ERAP1: variants seen among roughly 807,000 people sequenced by gnomAD.
ERAP1 encodes endoplasmic reticulum aminopeptidase 1.
ERAP1 carries 86 observed loss-of-function variants against 103.7 expected under a neutral mutation model. That is an observed-to-expected ratio of 0.83 (90% CI 0.70 to 0.99). The LOEUF is 0.99. ERAP1 is among the 50% of genes least tolerant of loss of function. ERAP1 has a pLI of 0.00. For missense variants in ERAP1, 1,009 were observed against 1,128.4 expected, an observed-to-expected ratio of 0.89 and a Z score of 1.52; for synonymous variants, 398 against 402.4, an observed-to-expected ratio of 0.99 and a Z score of 0.13.
chr5:96,902,602 C>A, the ERAP1 span: 3 of 371,176 alleles, frequency 8.1e-6, no homozygotes, highest in Non-Finnish European at 1.5e-5. Flanking sequence ...TAACAGAAAT[C>A]TATCTTATGT....
intron 15 of ERAP1, 115 bp from the exon 16 acceptor site, chr5:96,781,969 G>A (rs1775244449): frequency 2.0e-6 from 2 of 1,012,634 alleles, no homozygotes; most frequent in Non-Finnish European, 3.0e-6. Context: ...AAGCATGCCT[G>A]GAAATATAAA....
the ERAP1 span, among the ~76,000 whole-genome samples, chr5:96,911,878 A>AAAAAAAAAAAC: frequency 3.8e-5 from 5 of 130,342 alleles, no homozygotes; most frequent in Non-Finnish European, 8.0e-5. Flanking sequence ...AAAAAAAAAA[A>AAAAAAAAAAAC]AAAGAAAGAA....
the ERAP1 span, among the ~76,000 whole-genome samples, chr5:96,913,863 AT>A: frequency 6.6e-6 from 1 of 152,154 alleles, no homozygotes; most frequent in East Asian, 1.9e-4. Context: ...AATCTCAGGA[AT>A]TTTGGTAAGA....
chr5:96,889,346 T>G, the ERAP1 span: 1 of 1,610,876 alleles, frequency 6.2e-7, no homozygotes, highest in Non-Finnish European at 8.5e-7. Flanking sequence ...TTTTTGCTCA[T>G]AAAACTTGCT....
the ERAP1 span, among the ~76,000 whole-genome samples, chr5:96,891,892 T>C: frequency 1.6e-4 from 24 of 152,316 alleles, no homozygotes; most frequent in Admixed American, 1.5e-3. Flanking sequence ...AAGTTCATTA[T>C]ACGTTTTGAT....
chr5:96,888,864 T>C, the ERAP1 span, among the ~76,000 whole-genome samples: 1 of 152,184 alleles, frequency 6.6e-6, no homozygotes, highest in Non-Finnish European at 1.5e-5. Context: ...TGTTAAAGTA[T>C]ATCATAGAGA....
At chr5:96,777,783 C>T (rs539233167) in intron 18 of ERAP1, among the ~76,000 whole-genome samples, 1 of 152,340 alleles carries the variant, frequency 6.6e-6, no homozygotes, top group South Asian at 2.1e-4. Context: ...AACAGACCTT[C>T]TACAACAGCG....
chr5:96,849,359 G>A, the ERAP1 span, among the ~76,000 whole-genome samples: 4 of 152,106 alleles, frequency 2.6e-5, no homozygotes, highest in Non-Finnish European at 5.9e-5. Flanking sequence ...GATCTTATAT[G>A]TAGAAAACCC....
chr5:96,775,634 C>A lies in ERAP1; in HGVS notation c.*762G>T. The A allele has an allele frequency of 2.4e-6, 1 of 410,218 alleles. No individual in the cohort carries two copies. Among genetic ancestry groups the A allele is most frequent in the Non-Finnish European group, 3.3e-6 (1 of 304,432 alleles). The allele number at this position is 410,218 out of a possible 1,614,324, so 25.4% of individuals were successfully genotyped here. A position where few individuals can be genotyped will look rare whatever the true frequency, so the allele number is the denominator to read the frequency against. ...ACAAGTCCGCCAGGACTAGTAAAAG[C>A]CAGACTCCCACTGAGGCCACTAATC... On this transcript the variant is annotated 3_prime_UTR_variant, in exon 19 of 19. Coordinates refer to ENST00000443439, the MANE Select transcript of ERAP1 (RefSeq NM_001040458.3).
At position 96,786,486 on chromosome 5, in the gene ERAP1, C is replaced by T. The variant is rs771174340; in HGVS notation, c.1743G>A (p.Leu581=). 2.5e-6 allele frequency: 4 copies of T among 1,611,794 alleles called. No individual in the cohort carries two copies. The highest frequency in any genetic ancestry group is 3.4e-6 in the Non-Finnish European group (4 of 1,178,604). The change falls in exon 12 of 19, where the codon TTG becomes TTA. Residue 581 remains leucine, a synonymous_variant. Coordinates refer to ENST00000443439, the MANE Select transcript of ERAP1 (RefSeq NM_001040458.3). ...TSKSDMVHRF[L]LKTKTDVLIL... ...ATAAATTACCTGTTTTTGTTTTTAG[C>T]AAAAATCGATGGACCATGTCGGATT...
At chr5:96,861,746 A>C in the ERAP1 span, among the ~76,000 whole-genome samples, 1 of 152,178 alleles carries the variant, frequency 6.6e-6, no homozygotes, top group African/African-American at 2.4e-5. Context: ...GAACTTAAAC[A>C]TCTAACTGAA....
chr5:96,896,750 A>C, the ERAP1 span: 1 of 1,575,122 alleles, frequency 6.3e-7, no homozygotes, highest in Admixed American at 2.1e-5. Context: ...TATTTTGAAT[A>C]TGCTCAAGGA....
At chr5:96,910,528 T>C in the ERAP1 span, among the ~76,000 whole-genome samples, 2 of 152,286 alleles carry the variant, frequency 1.3e-5, no homozygotes, top group Non-Finnish European at 2.9e-5. Context: ...ATGGGTTGTA[T>C]GAGTGAAGCT....
the ERAP1 span, chr5:96,873,291 T>C: frequency 2.2e-6 from 1 of 454,802 alleles, no homozygotes; most frequent in East Asian, 6.9e-5. Context: ...CTCACCTGTT[T>C]GTTGAGGGCC....
rs1773930455 is a variant in ERAP1 at position 96,775,117 on chromosome 5, T to TA, written c.*1278dup. ...TGTAGCAAGTTTTCAGAATAAGAAA[T>TA]AAAATCTAATTCTTAGGGTATTAAC... On this transcript the variant is annotated 3_prime_UTR_variant, in exon 19 of 19. Coordinates refer to ENST00000443439, the MANE Select transcript of ERAP1 (RefSeq NM_001040458.3). 1 of 985,546 alleles carries TA rather than the reference T, an allele frequency of 1.0e-6. No homozygotes were observed. The highest frequency in any genetic ancestry group is 1.2e-6 in the Non-Finnish European group (1 of 829,928). The allele number at this position is 985,546 out of a possible 1,614,324, so 61.1% of individuals were successfully genotyped here. A position where few individuals can be genotyped will look rare whatever the true frequency, so the allele number is the denominator to read the frequency against.
intron 13 of ERAP1, 75 bp from the exon 14 acceptor site, chr5:96,784,155 T>C: frequency 6.8e-7 from 1 of 1,465,430 alleles, no homozygotes; most frequent in Middle Eastern, 1.7e-4. Flanking sequence ...AAATATATTT[T>C]AATCTTCTAG....
the ERAP1 span, among the ~76,000 whole-genome samples, chr5:96,893,082 C>T: frequency 5.3e-5 from 8 of 152,258 alleles, no homozygotes; most frequent in Non-Finnish European, 7.4e-5. Flanking sequence ...ATGATGACAA[C>T]GGCCACTACA....
At chr5:96,844,856 G>T in the ERAP1 span, among the ~76,000 whole-genome samples, 1 of 152,202 alleles carries the variant, frequency 6.6e-6, no homozygotes, top group Non-Finnish European at 1.5e-5. Context: ...TGGAAGCTAG[G>T]GTTGTTTATT....
chr5:96,807,576 G>T (rs1273469619), intron 1 of ERAP1, among the ~76,000 whole-genome samples: 2 of 152,150 alleles, frequency 1.3e-5, no homozygotes, highest in Non-Finnish European at 2.9e-5. Flanking sequence ...CAGGGACAGG[G>T]ACCGGCAGGG....
Sources: gnomAD v4.1 joint callset for allele counts (sites outside exome capture counted in the v4.1 genomes callset) on GRCh38, gnomAD v4.1.1 for gene constraint, MANE v1.5 for transcripts, NCBI Gene and HGNC (gene_info 2026-07-23, HGNC 2026-07-21) for gene names.